The following PLXDC2 variants were observed in gnomAD, a reference collection of about 807,000 sequenced individuals.
The protein encoded by PLXDC2 is plexin domain-containing protein 2.
PLXDC2 carries 40 observed loss-of-function variants against 68.9 expected under a neutral mutation model. The ratio of observed to expected loss-of-function variants is 0.58; its 90% CI spans 0.45 to 0.76. The LOEUF (loss-of-function observed/expected upper bound fraction) is 0.76, where lower values mean the gene tolerates loss of function less well. PLXDC2 is among the 30% of genes least tolerant of loss of function. The probability of loss-of-function intolerance (pLI) is 0.00; values close to 1 mark genes in which losing one functional copy is unlikely to be tolerated. For synonymous variants in PLXDC2, 243 were observed against 234.2 expected (o/e 1.04, Z -0.34); for missense variants, 644 against 661.9 (o/e 0.97, Z 0.30).
chr10:20,014,222 C>G, intron 2 of PLXDC2, among the ~76,000 whole-genome samples: 1 of 135,906 alleles, frequency 7.4e-6, no homozygotes, highest in Non-Finnish European at 1.6e-5. Flanking sequence ...CCTTCCTTCC[C>G]TCCTTCCTTC....
chr10:20,193,104 C>G (rs1420008930), intron 9 of PLXDC2, among the ~76,000 whole-genome samples: 2 of 152,054 alleles, frequency 1.3e-5, no homozygotes, highest in Non-Finnish European at 2.9e-5. Context: ...CATCCCTGCT[C>G]TTGTCTAAGT....
intron 1 of PLXDC2, among the ~76,000 whole-genome samples, chr10:19,977,870 C>G (rs1328266858): frequency 6.6e-6 from 1 of 152,150 alleles, no homozygotes; most frequent in Non-Finnish European, 1.5e-5. Flanking sequence ...CAAATATCAC[C>G]CAGTTGGGGA....
intron 9 of PLXDC2, among the ~76,000 whole-genome samples, chr10:20,207,853 G>A (rs1376967063): frequency 1.2e-5 from 1 of 80,736 alleles, no homozygotes; most frequent in Admixed American, 1.4e-4. Flanking sequence ...AATGGATCAT[G>A]CCCTGAGAGA....
At chr10:20,175,176 T>C (rs550502057) in intron 7 of PLXDC2, among the ~76,000 whole-genome samples, 33 of 152,328 alleles carry the variant, frequency 2.2e-4, no homozygotes, top group South Asian at 1.4e-3. Context: ...CTAATATGTA[T>C]TGAGCATTTA....
intron 7 of PLXDC2, among the ~76,000 whole-genome samples, chr10:20,166,218 G>A (rs1834372554): frequency 6.6e-6 from 1 of 151,976 alleles, no homozygotes; most frequent in Non-Finnish European, 1.5e-5. Context: ...ATATTATAAG[G>A]GTTATCTTAC....
intron 1 of PLXDC2, among the ~76,000 whole-genome samples, chr10:19,965,289 A>C (rs1049349760): frequency 4.6e-5 from 7 of 152,156 alleles, no homozygotes; most frequent in Non-Finnish European, 8.8e-5. Flanking sequence ...GGCAGACTGC[A>C]AACACTTTGA....
intron 13 of PLXDC2, among the ~76,000 whole-genome samples, chr10:20,256,749 C>T (rs1463481262): frequency 1.3e-5 from 2 of 151,272 alleles, no homozygotes; most frequent in South Asian, 2.1e-4. Flanking sequence ...GGACTTGAAT[C>T]CTGAATATGT....
At chr10:20,251,103 T>A (rs1480182870) in intron 13 of PLXDC2, among the ~76,000 whole-genome samples, 1 of 152,170 alleles carries the variant, frequency 6.6e-6, no homozygotes, top group East Asian at 1.9e-4. Flanking sequence ...AGAGTTCCAT[T>A]CTCCTAAAAC....
At chr10:19,857,386 C>T (rs953222846) in intron 1 of PLXDC2, among the ~76,000 whole-genome samples, 47 of 152,178 alleles carry the variant, frequency 3.1e-4, no homozygotes, top group African/African-American at 1.1e-3. Flanking sequence ...CAAACTGAAC[C>T]CAATCAACTG....
intron 4 of PLXDC2, among the ~76,000 whole-genome samples, chr10:20,126,383 G>T (rs1379146281): frequency 1.4e-5 from 2 of 138,464 alleles, no homozygotes; most frequent in South Asian, 2.2e-4. Context: ...ATATACATAT[G>T]TGTTATATAA....
intron 1 of PLXDC2, among the ~76,000 whole-genome samples, chr10:19,896,961 G>C (rs1297183043): frequency 6.6e-6 from 1 of 152,044 alleles, no homozygotes; most frequent in Non-Finnish European, 1.5e-5. Flanking sequence ...ATATTTACTT[G>C]ATTATTGTCT....
intron 1 of PLXDC2, among the ~76,000 whole-genome samples, chr10:19,900,726 C>A (rs1838144307): frequency 6.6e-6 from 1 of 151,690 alleles, no homozygotes; most frequent in African/African-American, 2.4e-5. Flanking sequence ...GTACATTGTA[C>A]CCAATGTGTA....
intron 1 of PLXDC2, among the ~76,000 whole-genome samples, chr10:19,990,608 T>A (rs796104506): frequency 2.2e-4 from 34 of 152,326 alleles, no homozygotes; most frequent in African/African-American, 7.9e-4. Flanking sequence ...ACTGGTTGTT[T>A]GTATGTTTAA....
intron 12 of PLXDC2, among the ~76,000 whole-genome samples, chr10:20,220,974 C>G (rs1835203577): frequency 1.3e-5 from 2 of 151,452 alleles, no homozygotes; most frequent in Non-Finnish European, 2.9e-5. Flanking sequence ...TCCTGAGCAG[C>G]TGGGATTACA....
At chr10:19,955,648 C>T (rs899348709) in intron 1 of PLXDC2, among the ~76,000 whole-genome samples, 1 of 151,986 alleles carries the variant, frequency 6.6e-6, no homozygotes, top group African/African-American at 2.4e-5. Context: ...TACACAATAC[C>T]TGGAATACGT....
intron 1 of PLXDC2, among the ~76,000 whole-genome samples, chr10:19,971,209 T>A (rs1252301354): frequency 1.3e-5 from 2 of 152,218 alleles, no homozygotes; most frequent in Non-Finnish European, 2.9e-5. Flanking sequence ...TACCTTTTAG[T>A]TATTTCTGTT....
chr10:19,881,578 A>G (rs1156554473), intron 1 of PLXDC2, among the ~76,000 whole-genome samples: 1 of 152,192 alleles, frequency 6.6e-6, no homozygotes, highest in African/African-American at 2.4e-5. Context: ...GATGGACATC[A>G]TATATATGAT....
chr10:20,181,585 A>C (rs922001350), intron 9 of PLXDC2, among the ~76,000 whole-genome samples: 2 of 152,050 alleles, frequency 1.3e-5, no homozygotes, highest in Non-Finnish European at 2.9e-5. Context: ...AAGTGAAAGC[A>C]AAGAGCCTTG....
At chr10:19,918,471 G>T (rs2038913) in intron 1 of PLXDC2, among the ~76,000 whole-genome samples, 135,871 of 152,240 alleles carry the variant, frequency 0.89, 60,771 homozygotes, top group South Asian at 0.95. Flanking sequence ...AAAGCACATA[G>T]GGGCATGGAG....
Sources: gnomAD v4.1 joint callset for allele counts (sites outside exome capture counted in the v4.1 genomes callset) on GRCh38, gnomAD v4.1.1 for gene constraint, MANE v1.5 for transcripts, NCBI Gene and HGNC (gene_info 2026-07-23, HGNC 2026-07-21) for gene names.